GRM5: variants seen among roughly 807,000 people sequenced by gnomAD.
GRM5 encodes metabotropic glutamate receptor 5.
A neutral mutation model predicts 83.1 loss-of-function variants in GRM5; 19 were observed. That is an observed-to-expected ratio of 0.23 (90% CI 0.16 to 0.34). The LOEUF is 0.34. GRM5 is among the 10% of genes least tolerant of loss of function. The probability of loss-of-function intolerance (pLI) is 1.00; values close to 1 mark genes in which losing one functional copy is unlikely to be tolerated. For synonymous variants in GRM5, 675 were observed against 633.6 expected (o/e 1.07, Z -0.98); for missense variants, 1,160 against 1,588.3 (o/e 0.73, Z 4.58).
chr11:88,941,310 T>A (rs1033920237), intron 2 of GRM5, among the ~76,000 whole-genome samples: 11 of 150,166 alleles, frequency 7.3e-5, no homozygotes, highest in African/African-American at 2.7e-4. Context: ...ATATCAAAAA[T>A]AATCATGAAA....
At chr11:88,766,133 A>C (rs193184556) in intron 3 of GRM5, among the ~76,000 whole-genome samples, 2 of 152,080 alleles carry the variant, frequency 1.3e-5, no homozygotes, top group Admixed American at 6.6e-5. Flanking sequence ...ATATTGCCCA[A>C]AGCAATTAGT....
intron 2 of GRM5, among the ~76,000 whole-genome samples, chr11:88,951,181 C>A (rs1377872991): frequency 1.3e-5 from 2 of 152,130 alleles, no homozygotes; most frequent in Non-Finnish European, 2.9e-5. Flanking sequence ...GCAGGAAAAA[C>A]TGTGCTGAAT....
intron 3 of GRM5, among the ~76,000 whole-genome samples, chr11:88,838,410 C>G (rs1176912057): frequency 6.6e-6 from 1 of 152,132 alleles, no homozygotes; most frequent in African/African-American, 2.4e-5. Flanking sequence ...AGTCTGTTCT[C>G]TGAACCTGAG....
intron 2 of GRM5, among the ~76,000 whole-genome samples, chr11:88,904,869 T>C (rs1187363906): frequency 2.0e-5 from 3 of 152,080 alleles, no homozygotes; most frequent in Non-Finnish European, 4.4e-5. Flanking sequence ...ATTGGAAAAA[T>C]GTGTATTGGA....
intron 5 of GRM5, among the ~76,000 whole-genome samples, chr11:88,599,498 A>G (rs1395598225): frequency 2.0e-5 from 3 of 152,210 alleles, no homozygotes; most frequent in Non-Finnish European, 4.4e-5. Flanking sequence ...AATAGATAAT[A>G]TGTCTCCACA....
At chr11:88,880,505 C>G (rs1439978120) in intron 2 of GRM5, among the ~76,000 whole-genome samples, 4 of 152,108 alleles carry the variant, frequency 2.6e-5, no homozygotes, top group Non-Finnish European at 5.9e-5. Flanking sequence ...TTATAAAAAG[C>G]CTTCCTTATA....
chr11:88,508,753 G>C lies in GRM5; in HGVS notation c.3478C>G (p.Leu1160Val). ...GGGGACGGCGGGGTGAGAGCCACCA[G>C]CTCCTCCAGGTCTGGCTTGGCGGCC... ...AAAAKPDLEE[L>V]VALTPPSPFR... is the part of the protein sequence containing the mutation. The change falls in exon 10 of 10, where the codon CTG becomes GTG. Residue 1160 changes from leucine to valine, a missense_variant. Coordinates refer to ENST00000305447, the MANE Select transcript of GRM5 (RefSeq NM_001143831.3). This position sits in a 1 kb window ranked among gnomAD's most constrained non-coding sequence, Gnocchi z 4.2. 6.4e-7 allele frequency: 1 copy of C among 1,552,658 alleles called. No homozygotes were observed. The highest frequency in any genetic ancestry group is 8.7e-7 in the Non-Finnish European group (1 of 1,152,854).
chr11:89,025,143 G>C (rs1268738598), intron 2 of GRM5, among the ~76,000 whole-genome samples: 1 of 152,002 alleles, frequency 6.6e-6, no homozygotes, highest in Non-Finnish European at 1.5e-5. Flanking sequence ...ACTGGCATAA[G>C]GAAAAAAATG....
chr11:88,733,500 C>T (rs1231563681), intron 3 of GRM5, among the ~76,000 whole-genome samples: 1 of 151,918 alleles, frequency 6.6e-6, no homozygotes, highest in Non-Finnish European at 1.5e-5. Flanking sequence ...TCAATTTAAG[C>T]ATGTTGGAGG....
chr11:88,660,672 A>T (rs16914467), intron 3 of GRM5, among the ~76,000 whole-genome samples: 1,530 of 152,284 alleles, frequency 0.01, 17 homozygotes, highest in East Asian at 0.066. Context: ...CACTGAAATC[A>T]TTAGTTATGC....
intron 3 of GRM5, among the ~76,000 whole-genome samples, chr11:88,778,653 G>C (rs957054117): frequency 3.9e-5 from 6 of 152,120 alleles, no homozygotes; most frequent in Non-Finnish European, 7.3e-5. Flanking sequence ...GCTTATATTT[G>C]AGTCCTCTCA....
chr11:88,837,151 A>T (rs1475048041), intron 3 of GRM5, among the ~76,000 whole-genome samples: 1 of 152,178 alleles, frequency 6.6e-6, no homozygotes, highest in East Asian at 1.9e-4. Flanking sequence ...TTAACTCTAC[A>T]TTTTCCTTTG....
chr11:88,679,068 G>A (rs1465583250), intron 3 of GRM5, among the ~76,000 whole-genome samples: 2 of 152,104 alleles, frequency 1.3e-5, no homozygotes, highest in Non-Finnish European at 2.9e-5. Flanking sequence ...GCAATGAGAG[G>A]ATCAGATTTA....
intron 8 of GRM5, among the ~76,000 whole-genome samples, chr11:88,548,752 A>G (rs959847493): frequency 6.6e-6 from 1 of 152,228 alleles, no homozygotes; most frequent in Non-Finnish European, 1.5e-5. Context: ...GCACTAGTGG[A>G]GCACTTGGAA....
At chr11:88,787,747 G>GA (rs1943100766) in intron 3 of GRM5, among the ~76,000 whole-genome samples, 1 of 151,824 alleles carries the variant, frequency 6.6e-6, no homozygotes, top group East Asian at 1.9e-4. Flanking sequence ...AGAGAGAGAG[G>GA]AAAAACAAGT....
rs1241343663 is a variant in GRM5 at position 88,509,479 on chromosome 11, C to T, written c.2752G>A (p.Ala918Thr). ...CCCCGGCTGCTCTTCTCATTCTGGG[C>T]CCACGTGACGGATTTTCCATTGGAA... is the stretch of plus-strand genomic sequence containing the variant. ...SSSNGKSVTW[A>T]QNEKSSRGQH... The change falls in exon 10 of 10, where the codon GCC (alanine) becomes ACC (threonine). Residue 918 changes from alanine (A) to threonine (T), a missense_variant. Physicochemically the swap from Ala to Thr is moderately conservative, Grantham distance 58 (BLOSUM62 0). This residue lies in a region of GRM5 where 562 missense variants were observed against 532.4 expected (regional missense o/e 1.06). Coordinates refer to ENST00000305447, the MANE Select transcript of GRM5 (RefSeq NM_001143831.3). 8 of 1,611,790 alleles carry T rather than the reference C, an allele frequency of 5.0e-6. No homozygotes were observed. In the African/African-American group the frequency reaches 5.3e-5, roughly 11 times the overall value.
Position 88,525,339 on chromosome 11 carries a change from A to G in GRM5, c.2696T>C (p.Met899Thr), listed in dbSNP as rs1242851343. ...EIECFTPKGSMGNGGRATMSS... is the reference protein window; with the variant it reads ...EIECFTPKGSTGNGGRATMSS... ...CATTGTTGCTCTCCCACCATTCCCC[A>G]TACTCCCTTTGGGGGTGAAACACTC... is the stretch of plus-strand genomic sequence containing the variant. The change falls in exon 9 of 10, where the codon ATG (methionine) becomes ACG (threonine). Residue 899 changes from methionine to threonine, a missense_variant. By Grantham distance (81) the Met-to-Thr change is moderately conservative. Around this residue, in one of 9 missense-constraint regions of GRM5, gnomAD observed 562 missense variants for 532.4 expected, o/e 1.06. Transcript: ENST00000305447. The G allele has an allele frequency of 1.2e-6, 2 of 1,611,042 alleles. No homozygotes were observed. Among genetic ancestry groups the G allele is most frequent in the Non-Finnish European group, 1.7e-6 (2 of 1,177,364 alleles).
chr11:88,923,137 A>G (rs1359912953), intron 2 of GRM5, among the ~76,000 whole-genome samples: 1 of 152,172 alleles, frequency 6.6e-6, no homozygotes, highest in Non-Finnish European at 1.5e-5. Flanking sequence ...TATGGAGAAC[A>G]GTGTGGAGGG....
chr11:89,019,280 T>C lies in GRM5; in HGVS notation c.661+27932A>G, dbSNP rs116939892. On this transcript the variant is annotated intron_variant, in intron 2 of 9. Transcript: ENST00000305447. ...TTATTTACATCATATTGAGGGTATG[T>C]GCTGTCATCATACCCTTATCATTGT... Among the ~76,000 whole-genome samples the C allele has an allele frequency of 4.7e-3, 712 of 152,314 alleles. 3 individuals are homozygous for C. Among genetic ancestry groups the C allele is most frequent in the Non-Finnish European group, 7.2e-3 (490 of 68,022 alleles).
Sources: allele counts gnomAD v4.1 joint callset (sites outside exome capture counted in the v4.1 genomes callset), GRCh38; gene constraint gnomAD v4.1.1; regional missense constraint gnomAD v4.1.1; non-coding constraint Gnocchi (gnomAD v3.1); transcripts MANE v1.5; gene names NCBI Gene and HGNC (gene_info 2026-07-23, HGNC 2026-07-21).